Variants in INO80C observed in about 807,000 individuals in gnomAD.
The protein encoded by INO80C is IES6 homolog.
A neutral mutation model predicts 17.7 loss-of-function variants in INO80C; 17 were observed. The ratio of observed to expected loss-of-function variants is 0.96; its 90% CI spans 0.66 to 1.44. The LOEUF (loss-of-function observed/expected upper bound fraction) is 1.44, where lower values mean the gene tolerates loss of function less well. Among genes scored for constraint, INO80C ranks in the 40% most tolerant of loss-of-function variants. INO80C has a pLI of 0.00. For synonymous variants in INO80C, 96 were observed against 95.8 expected, an observed-to-expected ratio of 1.00 and a Z score of -0.01; for missense variants, 244 against 245.0, an observed-to-expected ratio of 1.00 and a Z score of 0.03.
chr18:35,480,663 C>A, intron 1 of INO80C, 100 bp from the exon 2 acceptor site: 1 of 893,342 alleles, frequency 1.1e-6, no homozygotes, highest in South Asian at 1.4e-5. Context: ...ACAGGGCATG[C>A]AAGGGAAGAC....
chr18:35,480,917 A>G (rs2045799774), intron 1 of INO80C, among the ~76,000 whole-genome samples: 1 of 152,268 alleles, frequency 6.6e-6, no homozygotes, highest in Non-Finnish European at 1.5e-5. Context: ...ACTGAGGCCC[A>G]GGGGAACAGG....
chr18:35,494,245 T>A (rs1049411483), intron 1 of INO80C, among the ~76,000 whole-genome samples: 1 of 152,212 alleles, frequency 6.6e-6, no homozygotes, highest in Non-Finnish European at 1.5e-5. Flanking sequence ...AGAATTCCAG[T>A]ACACCCCTGC....
Position 35,468,360 on chromosome 18 carries a change from CT to C in INO80C, c.*250del, listed in dbSNP as rs1281806551. On this transcript the variant is annotated 3_prime_UTR_variant, in exon 5 of 5. Transcript: ENST00000334598. ...AATGAAAAGTATGGTTTTATTGTAT[CT>C]TCTTGTCAAACACCTTTACTTGAGG... The C allele has an allele frequency of 7.5e-7, 1 of 1,326,394 alleles. No homozygotes were observed. The highest frequency in any genetic ancestry group is 1.5e-5 in the African/African-American group (1 of 67,620). The allele number at this position is 1,326,394 out of a possible 1,614,324, so 82.2% of individuals were successfully genotyped here.
chr18:35,493,678 A>G (rs887082864), intron 1 of INO80C, among the ~76,000 whole-genome samples: 1 of 152,170 alleles, frequency 6.6e-6, no homozygotes, highest in Non-Finnish European at 1.5e-5. Context: ...TCAACTAAGC[A>G]CTCAATTTTA....
intron 4 of INO80C, among the ~76,000 whole-genome samples, chr18:35,477,081 TA>T: frequency 6.6e-6 from 1 of 152,216 alleles, no homozygotes; most frequent in Admixed American, 6.5e-5. Context: ...TCATCTCTAC[TA>T]AAAATACAAA....
chr18:35,471,968 T>C (rs1435771084), intron 4 of INO80C, among the ~76,000 whole-genome samples: 2 of 152,212 alleles, frequency 1.3e-5, no homozygotes, highest in African/African-American at 4.8e-5. Flanking sequence ...TTCCATGGTG[T>C]ATATGTGCCA....
chr18:35,473,333 A>G (rs528698686), intron 4 of INO80C, among the ~76,000 whole-genome samples: 1 of 152,322 alleles, frequency 6.6e-6, no homozygotes, highest in South Asian at 2.1e-4. Flanking sequence ...AATGCCTGAG[A>G]AAAGAGAAGC....
chr18:35,479,445 A>C, intron 2 of INO80C, 34 bp from the exon 3 acceptor site: 1 of 1,355,868 alleles, frequency 7.4e-7, no homozygotes, highest in East Asian at 2.3e-5. Flanking sequence ...AAGAAACAAA[A>C]ACCAATGGAG....
rs906646456 is a variant in INO80C at position 35,481,530 on chromosome 18, G to A, written c.157-967C>T. On this transcript the variant is annotated intron_variant, in intron 1 of 4. Coordinates refer to ENST00000334598, the MANE Select transcript of INO80C (RefSeq NM_194281.4). ...TTACTTCTGCCTGTTGGAGAACTTC[G>A]TATAAACAGCATTTAACAGCATGTA... Among the ~76,000 whole-genome samples, 17 of 152,176 alleles carry A rather than the reference G, an allele frequency of 1.1e-4. No homozygotes were observed. In the East Asian group the frequency reaches 2.9e-3, roughly 26 times the overall value.
At chr18:35,491,949 C>T (rs1308831964) in intron 1 of INO80C, among the ~76,000 whole-genome samples, 8 of 152,156 alleles carry the variant, frequency 5.3e-5, no homozygotes, top group East Asian at 1.9e-4. Flanking sequence ...AGGAAACACA[C>T]GCCTATGCTA....
chr18:35,479,206 A>G (rs555162803), intron 3 of INO80C, 94 bp downstream of exon 3: 1 of 772,624 alleles, frequency 1.3e-6, no homozygotes, highest in Admixed American at 2.6e-5. Context: ...ATTATTTCCT[A>G]CAATGATGCA....
intron 1 of INO80C, among the ~76,000 whole-genome samples, chr18:35,484,124 T>C (rs966484962): frequency 2.6e-5 from 4 of 152,144 alleles, no homozygotes; most frequent in African/African-American, 4.8e-5. Flanking sequence ...GAACCATACA[T>C]AGTTGGTAAG....
Position 35,478,354 on chromosome 18 carries a change from G to GGA in INO80C, c.380-6_380-5insTC. The GGA allele has an allele frequency of 9.1e-5, 117 of 1,279,248 alleles. No homozygotes were observed. In the East Asian group the frequency reaches 2.0e-3, roughly 22 times the overall value. 79.2% of individuals were successfully genotyped at this position (1,279,248 alleles called of 1,614,324 possible). On this transcript the variant is annotated splice_region_variant and splice_polypyrimidine_tract_variant and intron_variant, in intron 3 of 4. Coordinates refer to ENST00000334598, the MANE Select transcript of INO80C (RefSeq NM_194281.4). ...GAGGAGCATCAATACTGAAGTCTGG[G>GGA]AAAAAAAAAAAAAAAAGATAACTAA...
intron 4 of INO80C, among the ~76,000 whole-genome samples, chr18:35,469,776 G>A (rs1040616102): frequency 6.6e-6 from 1 of 152,184 alleles, no homozygotes; most frequent in Non-Finnish European, 1.5e-5. Context: ...GCTTATCATT[G>A]TAGACTGGCT....
At chr18:35,485,981 T>C (rs1365459028) in intron 1 of INO80C, among the ~76,000 whole-genome samples, 1 of 152,096 alleles carries the variant, frequency 6.6e-6, no homozygotes, top group African/African-American at 2.4e-5. Flanking sequence ...AATAAAAAAG[T>C]AACCAGTTGT....
intron 1 of INO80C, among the ~76,000 whole-genome samples, chr18:35,494,447 G>A (rs912759398): frequency 2.6e-5 from 4 of 152,194 alleles, no homozygotes; most frequent in African/African-American, 9.7e-5. Context: ...GAGTCCAGGG[G>A]TCAGCAATAA....
intron 4 of INO80C, among the ~76,000 whole-genome samples, chr18:35,470,175 T>C (rs985063101): frequency 6.6e-6 from 1 of 152,164 alleles, no homozygotes; most frequent in African/African-American, 2.4e-5. Flanking sequence ...TCCTGTGATT[T>C]AGGAAGGGAG....
At chr18:35,497,455 G>A (rs1598755283) in intron 1 of INO80C, 1 of 1,261,440 alleles carries the variant, frequency 7.9e-7, no homozygotes, top group Admixed American at 4.1e-5. Flanking sequence ...GCGACCTCGA[G>A]GGGAAGAGGC....
chr18:35,493,063 C>T (rs955994818), intron 1 of INO80C, among the ~76,000 whole-genome samples: 1 of 152,106 alleles, frequency 6.6e-6, no homozygotes, highest in Non-Finnish European at 1.5e-5. Flanking sequence ...TGCCTGGGTT[C>T]GAATCCCGAC....
Sources: gnomAD v4.1 joint callset for allele counts (sites outside exome capture counted in the v4.1 genomes callset) on GRCh38, gnomAD v4.1.1 for gene constraint, MANE v1.5 for transcripts, NCBI Gene and HGNC (gene_info 2026-07-23, HGNC 2026-07-21) for gene names.